YIPF6: variants seen among roughly 807,000 people sequenced by gnomAD.
YIPF6 encodes the protein Yip1 domain family member 6, also known as protein YIPF6.
YIPF6 carries 3 observed loss-of-function variants against 16.8 expected under a neutral mutation model. The observed-to-expected ratio is 0.18, with a 90% confidence interval of 0.08 to 0.46. The LOEUF (loss-of-function observed/expected upper bound fraction) is 0.46, where lower values mean the gene tolerates loss of function less well. Among genes scored for constraint, YIPF6 ranks in the 20% least tolerant of loss-of-function variants. The pLI is 0.98. For missense variants in YIPF6, 145 were observed against 184.9 expected, an observed-to-expected ratio of 0.78 and a Z score of 1.25; for synonymous variants, 67 against 61.9, an observed-to-expected ratio of 1.08 and a Z score of -0.38.
Position 68,535,432 on chromosome X carries a change from T to C in YIPF6, c.*3433T>C, listed in dbSNP as rs1036293962. On this transcript the variant is annotated 3_prime_UTR_variant, in exon 7 of 7. Transcript: ENST00000462683. ...AAGTCATTAGAATTTATCTAAAGCTTATCATGATTTGATAAGACATCCATT... is the reference window on the plus strand; with the variant it reads ...AAGTCATTAGAATTTATCTAAAGCTCATCATGATTTGATAAGACATCCATT... The C allele has an allele frequency of 8.9e-6, 1 of 112,364 alleles. No individual in the cohort carries two copies. The highest frequency in any genetic ancestry group is 1.9e-5 in the Non-Finnish European group (1 of 53,325). The allele number at this position is 112,364 out of a possible 1,213,427, so 9.3% of individuals were successfully genotyped here. A position where few individuals can be genotyped will look rare whatever the true frequency, so the allele number is the denominator to read the frequency against.
At chrX:68,526,643 G>A (rs1002528251) in intron 6 of YIPF6, among the ~76,000 whole-genome samples, 4 of 111,534 alleles carry the variant, frequency 3.6e-5, no homozygotes, top group Admixed American at 9.6e-5. Context: ...TTTGAGATAC[G>A]TTCCATCAAT....
At chrX:68,513,638 A>G in intron 3 of YIPF6, 1 of 204,122 alleles carries the variant, frequency 4.9e-6, no homozygotes. Flanking sequence ...TCCAGGCTGG[A>G]GTGCAATGGT....
intron 1 of YIPF6, among the ~76,000 whole-genome samples, chrX:68,511,061 G>T (rs1057194439): frequency 8.9e-6 from 1 of 112,641 alleles, no homozygotes; most frequent in African/African-American, 3.2e-5. Flanking sequence ...AGAAGTCATT[G>T]CCTCTATTTT....
At position 68,532,807 on chromosome X, in the gene YIPF6, A is replaced by G. The variant is rs2079177255; in HGVS notation, c.*808A>G. The stretch of plus-strand genomic sequence containing the variant: ...TCTGAATATTCCAGTGCTGGAACTT[A>G]TCCAAAAAGAAGACCTCAGAAACTT... On this transcript the variant is annotated 3_prime_UTR_variant, in exon 7 of 7. Coordinates refer to ENST00000462683, the MANE Select transcript of YIPF6 (RefSeq NM_173834.4). The G allele has an allele frequency of 8.9e-6, 1 of 112,042 alleles. No homozygotes were observed. The highest frequency in any genetic ancestry group is 1.9e-5 in the Non-Finnish European group (1 of 53,229). 9.2% of individuals were successfully genotyped at this position (112,042 alleles called of 1,213,427 possible).
chrX:68,526,168 T>C (rs1307712902), intron 6 of YIPF6, among the ~76,000 whole-genome samples: 1 of 111,602 alleles, frequency 9.0e-6, no homozygotes, highest in Non-Finnish European at 1.9e-5. Context: ...CCTTGAGCAG[T>C]GGTTTGTAGT....
At chrX:68,518,322 A>C (rs2079112422) in intron 3 of YIPF6, among the ~76,000 whole-genome samples, 1 of 110,652 alleles carries the variant, frequency 9.0e-6, no homozygotes, top group African/African-American at 3.3e-5. Context: ...CCACCTCCAC[A>C]TATAAAGCTA....
At chrX:68,499,319 C>T (rs1056559150) in intron 1 of YIPF6, among the ~76,000 whole-genome samples, 196 bp downstream of exon 1, 7 of 112,530 alleles carry the variant, frequency 6.2e-5, no homozygotes, top group African/African-American at 1.6e-4. Context: ...CCTCGTGGTT[C>T]CTTCCAGGTC....
Position 68,532,024 on chromosome X carries a change from A to G in YIPF6, c.*25A>G. 2.8e-6 allele frequency: 3 copies of G among 1,085,062 alleles called. No homozygotes were observed. The highest frequency in any genetic ancestry group is 3.8e-6 in the Non-Finnish European group (3 of 785,584). 89.4% of individuals were successfully genotyped at this position (1,085,062 alleles called of 1,213,427 possible). A position where few individuals can be genotyped will look rare whatever the true frequency, so the allele number is the denominator to read the frequency against. On this transcript the variant is annotated 3_prime_UTR_variant, in exon 7 of 7. Transcript: ENST00000462683. Reference sequence around the variant, plus strand: ...AATCAGGAATGGGAAATTAAAAACCAGTGAATTGAAAGCACATCTGAAAGA... The same window carrying G: ...AATCAGGAATGGGAAATTAAAAACCGGTGAATTGAAAGCACATCTGAAAGA...
intron 4 of YIPF6, 127 bp from the exon 5 acceptor site, chrX:68,521,245 C>A: frequency 3.7e-6 from 3 of 805,247 alleles, no homozygotes; most frequent in African/African-American, 4.2e-5. Flanking sequence ...TTAGCACAAC[C>A]TACATATTAC....
intron 1 of YIPF6, among the ~76,000 whole-genome samples, chrX:68,505,326 C>A (rs1413963932): frequency 3.6e-5 from 4 of 111,296 alleles, no homozygotes; most frequent in Non-Finnish European, 7.5e-5. Context: ...AGGAGACTCG[C>A]TTGAATCCAG....
At chrX:68,521,006 A>C (rs935484487) in intron 4 of YIPF6, among the ~76,000 whole-genome samples, 5 of 111,716 alleles carry the variant, frequency 4.5e-5, no homozygotes, top group Non-Finnish European at 9.4e-5. Flanking sequence ...ATGTGAAATA[A>C]AATAGTGTCA....
chrX:68,511,503 G>T (rs1472854624), intron 1 of YIPF6, among the ~76,000 whole-genome samples: 1 of 112,071 alleles, frequency 8.9e-6, no homozygotes, highest in Non-Finnish European at 1.9e-5. Flanking sequence ...CAACAGAAAC[G>T]TGGCCATTCT....
chrX:68,523,392 A>T (rs1323967264), intron 6 of YIPF6, among the ~76,000 whole-genome samples: 4 of 112,281 alleles, frequency 3.6e-5, no homozygotes, highest in Admixed American at 2.8e-4. Context: ...TTACAGATGA[A>T]GAACAGTTAC....
At chrX:68,508,333 G>A (rs1469473741) in intron 1 of YIPF6, among the ~76,000 whole-genome samples, 1 of 110,083 alleles carries the variant, frequency 9.1e-6, no homozygotes, top group East Asian at 2.9e-4. Flanking sequence ...GGAACTCCCT[G>A]GCTCAAGCAA....
Position 68,522,931 on chromosome X carries a change from T to TA in YIPF6, c.592+15dup. 8.3e-7 allele frequency: 1 copy of TA among 1,208,198 alleles called. No homozygotes were observed. The highest frequency in any genetic ancestry group is 1.1e-6 in the Non-Finnish European group (1 of 894,158). On this transcript the variant is annotated intron_variant, in intron 6 of 6. Coordinates refer to ENST00000462683, the MANE Select transcript of YIPF6 (RefSeq NM_173834.4). ...GGTCTATAGTTGGTAAGTATGTACT[T>TA]ATTTCCACAATAACAGAACAGACAA...
chrX:68,535,860 C>T lies in YIPF6; in HGVS notation c.*3861C>T, dbSNP rs986220212. 5 of 111,592 alleles carry T rather than the reference C, an allele frequency of 4.5e-5. No homozygotes were observed. The Admixed American group carries it at 4.8e-4, about 11-fold the overall frequency. The allele number at this position is 111,592 out of a possible 1,213,427, so 9.2% of individuals were successfully genotyped here. ...AGTGCAGTGGAGCAGTCATGGCACA[C>T]TGTAGCCTCGACCTCCCTGGGCTCA... On this transcript the variant is annotated 3_prime_UTR_variant, in exon 7 of 7. Transcript: ENST00000462683.
intron 1 of YIPF6, among the ~76,000 whole-genome samples, chrX:68,509,171 G>A (rs980284987): frequency 7.4e-5 from 8 of 108,537 alleles, no homozygotes; most frequent in African/African-American, 2.7e-4. Flanking sequence ...TTGCAATGGC[G>A]TGATCATATC....
chrX:68,511,615 G>A (rs140004498), intron 1 of YIPF6, among the ~76,000 whole-genome samples: 1,611 of 111,719 alleles, frequency 0.014, 29 homozygotes, highest in African/African-American at 0.05. Context: ...AATGTTGGTG[G>A]GCAAGAAGGT....
chrX:68,526,911 T>C (rs1442553059), intron 6 of YIPF6, among the ~76,000 whole-genome samples: 1 of 112,215 alleles, frequency 8.9e-6, no homozygotes, highest in African/African-American at 3.2e-5. Flanking sequence ...GTGATGTTCA[T>C]CAAGGATATT....
Sources: gnomAD v4.1 joint callset for allele counts (sites outside exome capture counted in the v4.1 genomes callset) on GRCh38, gnomAD v4.1.1 for gene constraint, MANE v1.5 for transcripts, NCBI Gene and HGNC (gene_info 2026-07-23, HGNC 2026-07-21) for gene names.